ACOXL: variants seen among roughly 807,000 people sequenced by gnomAD.
The protein encoded by ACOXL is acyl-CoA oxidase like.
In ACOXL, 70 loss-of-function variants were observed where a neutral mutation model predicts 71.9. The observed-to-expected ratio is 0.97, with a 90% CI of 0.80 to 1.19. The LOEUF (loss-of-function observed/expected upper bound fraction) is 1.19. Ranked by LOEUF, ACOXL falls within the 50% of genes most tolerant of loss-of-function variation. The pLI is 0.00. For missense variants in ACOXL, 703 were observed against 736.3 expected (o/e 0.95, Z 0.52); for synonymous variants, 253 against 281.6 (o/e 0.90, Z 1.02).
At chr2:110,798,837 A>G in intron 6 of ACOXL, 113 bp downstream of exon 6, 1 of 1,167,428 alleles carries the variant, frequency 8.6e-7, no homozygotes, top group Admixed American at 1.9e-5. Flanking sequence ...TACTAACTTT[A>G]TCTCCTAATA....
At chr2:110,794,351 G>A (rs745599709) in intron 5 of ACOXL, among the ~76,000 whole-genome samples, 177 bp downstream of exon 5, 3 of 152,236 alleles carry the variant, frequency 2.0e-5, no homozygotes, top group African/African-American at 7.2e-5. Flanking sequence ...CTCAGCCTTC[G>A]TGTACCCAAC....
intron 16 of ACOXL, among the ~76,000 whole-genome samples, chr2:111,059,793 G>A (rs1372406694): frequency 2.0e-5 from 3 of 151,160 alleles, no homozygotes; most frequent in African/African-American, 7.3e-5. Context: ...GAGAAGAAGG[G>A]GTAGAAGAAG....
At chr2:110,955,902 C>A (rs1199327545) in intron 12 of ACOXL, among the ~76,000 whole-genome samples, 1 of 151,958 alleles carries the variant, frequency 6.6e-6, no homozygotes, top group East Asian at 1.9e-4. Flanking sequence ...CCTCCCTGCC[C>A]CCATCTTTTC....
chr2:111,020,976 G>T (rs937923230), intron 14 of ACOXL, among the ~76,000 whole-genome samples: 3 of 152,200 alleles, frequency 2.0e-5, no homozygotes, highest in Non-Finnish European at 4.4e-5. Context: ...CATTATCAAT[G>T]CCATCGATCA....
At chr2:111,005,978 A>G (rs1419514320) in intron 14 of ACOXL, among the ~76,000 whole-genome samples, 2 of 152,236 alleles carry the variant, frequency 1.3e-5, no homozygotes, top group South Asian at 4.1e-4. Flanking sequence ...TTAAAAACCA[A>G]TACAGCGGTC....
At chr2:110,793,004 T>G (rs1684831717) in intron 3 of ACOXL, among the ~76,000 whole-genome samples, 1 of 152,202 alleles carries the variant, frequency 6.6e-6, no homozygotes, top group African/African-American at 2.4e-5. Context: ...ATGGGGATGA[T>G]GATGCTTTCT....
intron 12 of ACOXL, among the ~76,000 whole-genome samples, chr2:110,940,068 G>A (rs1396645390): frequency 3.9e-5 from 6 of 152,124 alleles, no homozygotes; most frequent in Non-Finnish European, 5.9e-5. Flanking sequence ...TTACAACCCA[G>A]TATTTACAAA....
intron 17 of ACOXL, among the ~76,000 whole-genome samples, chr2:111,107,320 C>T (rs755494691): frequency 3.3e-5 from 5 of 152,152 alleles, no homozygotes; most frequent in Non-Finnish European, 7.4e-5. Context: ...TCCTAGATAG[C>T]CTGATTTCTC....
intron 9 of ACOXL, among the ~76,000 whole-genome samples, chr2:110,830,848 T>C (rs1029794603): frequency 2.6e-5 from 4 of 152,106 alleles, no homozygotes; most frequent in African/African-American, 9.7e-5. Flanking sequence ...CAAATTTGTA[T>C]TGGTAAAAAC....
chr2:111,053,506 TCAATCA>T (rs549881957), intron 16 of ACOXL, among the ~76,000 whole-genome samples: 129 of 152,326 alleles, frequency 8.5e-4, no homozygotes, highest in Non-Finnish European at 1.5e-3. Flanking sequence ...AGCCTCTCCC[TCAATCA>T]CATGGTTTGA....
chr2:110,893,540 TG>T (rs1351542784), intron 10 of ACOXL, among the ~76,000 whole-genome samples: 3 of 152,264 alleles, frequency 2.0e-5, no homozygotes, highest in African/African-American at 7.2e-5. Context: ...GAGAGTGAGT[TG>T]GTGATGTGTG....
intron 12 of ACOXL, among the ~76,000 whole-genome samples, chr2:110,981,190 C>A (rs1405943372): frequency 6.6e-6 from 1 of 152,140 alleles, no homozygotes; most frequent in Non-Finnish European, 1.5e-5. Context: ...TGGTGAAGCC[C>A]CATCTCTACT....
At chr2:110,816,387 A>G (rs548719641) in intron 9 of ACOXL, among the ~76,000 whole-genome samples, 3 of 152,230 alleles carry the variant, frequency 2.0e-5, no homozygotes, top group Non-Finnish European at 4.4e-5. Context: ...ATCTGGTGGC[A>G]TTTAAATGTA....
chr2:110,815,505 C>A (rs1417807980), intron 9 of ACOXL, among the ~76,000 whole-genome samples: 1 of 152,204 alleles, frequency 6.6e-6, no homozygotes, highest in East Asian at 1.9e-4. Flanking sequence ...GCCTTGAAAA[C>A]TTCAATACAG....
intron 1 of ACOXL, among the ~76,000 whole-genome samples, chr2:110,762,410 A>AT (rs1034570195): frequency 5.3e-5 from 8 of 150,232 alleles, no homozygotes; most frequent in Middle Eastern, 3.4e-3. Flanking sequence ...TATTTCTCTT[A>AT]TTTTTTTTGT....
chr2:111,108,807 T>G (rs1054610058), intron 17 of ACOXL, among the ~76,000 whole-genome samples: 1 of 152,218 alleles, frequency 6.6e-6, no homozygotes, highest in African/African-American at 2.4e-5. Flanking sequence ...TTTCCATCAA[T>G]TCCTCACCCT....
chr2:110,836,029 A>T (rs1456505547), intron 9 of ACOXL, among the ~76,000 whole-genome samples: 3 of 152,378 alleles, frequency 2.0e-5, no homozygotes, highest in African/African-American at 7.2e-5. Flanking sequence ...TTCCACCAGC[A>T]TCTCTAAGCA....
intron 16 of ACOXL, among the ~76,000 whole-genome samples, chr2:111,056,723 G>A (rs1437295384): frequency 6.6e-6 from 1 of 150,924 alleles, no homozygotes; most frequent in Non-Finnish European, 1.5e-5. Context: ...AGGAGGCGGA[G>A]GTTGCAGTGA....
chr2:110,799,921 G>T (rs148558518), intron 7 of ACOXL, among the ~76,000 whole-genome samples: 118 of 152,114 alleles, frequency 7.8e-4, no homozygotes, highest in African/African-American at 2.6e-3. Context: ...ACCAATCAGC[G>T]CCCTCTAAAA....
Sources: allele counts gnomAD v4.1 joint callset (sites outside exome capture counted in the v4.1 genomes callset), GRCh38; gene constraint gnomAD v4.1.1; transcripts MANE v1.5; gene names NCBI Gene and HGNC (gene_info 2026-07-23, HGNC 2026-07-21).